Variants in THSD4 observed in about 807,000 individuals in gnomAD.
THSD4 encodes thrombospondin type 1 domain containing 4.
In THSD4, 69 loss-of-function variants were observed where a neutral mutation model predicts 119.0. The observed-to-expected ratio is 0.58, with a 90% CI of 0.48 to 0.71. The LOEUF is 0.71. THSD4 is among the 30% of genes least tolerant of loss of function. The pLI, the probability that THSD4 is intolerant of heterozygous loss-of-function variation, is 0.00. For missense variants in THSD4, 1,393 were observed against 1,391.1 expected, an observed-to-expected ratio of 1.00 and a Z score of -0.02; for synonymous variants, 524 against 540.4, an observed-to-expected ratio of 0.97 and a Z score of 0.42.
intron 4 of THSD4, among the ~76,000 whole-genome samples, chr15:71,222,271 C>A (rs1251040809): frequency 6.6e-6 from 1 of 152,138 alleles, no homozygotes; most frequent in African/African-American, 2.4e-5. Flanking sequence ...GAGCAGTGCC[C>A]TCTCTTATTT....
chr15:71,488,873 G>A (rs1323254883), intron 7 of THSD4, among the ~76,000 whole-genome samples: 1 of 152,120 alleles, frequency 6.6e-6, no homozygotes, highest in African/African-American at 2.4e-5. Context: ...TACTATTAGC[G>A]AGTTATTCCA....
intron 14 of THSD4, 139 bp downstream of exon 14, chr15:71,748,733 T>G: frequency 4.9e-4 from 442 of 902,278 alleles, no homozygotes; most frequent in Non-Finnish European, 6.5e-4. Context: ...AGAGAGGAAT[T>G]ATCGTAGGCT....
chr15:71,530,156 A>AATT (rs10646739), intron 7 of THSD4, among the ~76,000 whole-genome samples: 42,448 of 151,882 alleles, frequency 0.28, 6,699 homozygotes, highest in East Asian at 0.63. Context: ...CCCTGTTAGA[A>AATT]ATTATTATTG....
intron 7 of THSD4, among the ~76,000 whole-genome samples, chr15:71,478,982 T>G (rs1191045719): frequency 6.6e-6 from 1 of 152,170 alleles, no homozygotes; most frequent in Non-Finnish European, 1.5e-5. Flanking sequence ...ATCCTTTAAC[T>G]GAAACAACTA....
chr15:71,594,892 C>T (rs1351819823), intron 7 of THSD4, among the ~76,000 whole-genome samples: 1 of 152,066 alleles, frequency 6.6e-6, no homozygotes, highest in Non-Finnish European at 1.5e-5. Context: ...AGCTGAGTCT[C>T]CTTTGGGAGG....
chr15:71,673,712 A>G (rs1035554930), intron 8 of THSD4, among the ~76,000 whole-genome samples: 1 of 152,208 alleles, frequency 6.6e-6, no homozygotes, highest in African/African-American at 2.4e-5. Context: ...TTGGTTTCAA[A>G]GAACATCTTT....
intron 7 of THSD4, among the ~76,000 whole-genome samples, chr15:71,516,350 G>A (rs996623998): frequency 5.9e-5 from 9 of 152,046 alleles, no homozygotes; most frequent in Admixed American, 4.6e-4. Flanking sequence ...AGTGTTGGTC[G>A]TGAGTGGCCC....
intron 4 of THSD4, among the ~76,000 whole-genome samples, chr15:71,223,897 G>A (rs1366139138): frequency 6.6e-6 from 1 of 152,106 alleles, no homozygotes; most frequent in Non-Finnish European, 1.5e-5. Context: ...GAAAGGCTTG[G>A]TGTGGCTGGG....
rs545520207 is a variant in THSD4, at chr15:71,754,620, A to G, written c.2416-3282A>G. 1.8e-3 allele frequency among the ~76,000 whole-genome samples: 279 copies of G among 152,364 alleles called. 1 individual carries two copies. Among genetic ancestry groups the G allele is most frequent in the African/African-American group, 6.3e-3 (264 of 41,584 alleles). On this transcript the variant is annotated intron_variant, in intron 14 of 17. Transcript: ENST00000261862. ...AAGGACATGAAATATGCAAATAGCA[A>G]AATAGCAAAGGACATGAAAAATGTC...
intron 8 of THSD4, among the ~76,000 whole-genome samples, chr15:71,727,787 G>T (rs2052890588): frequency 6.7e-6 from 1 of 149,204 alleles, no homozygotes; most frequent in South Asian, 2.1e-4. Flanking sequence ...AAAGGGGAGG[G>T]CTGGGAGGGG....
At chr15:71,465,819 G>A (rs2047491139) in intron 7 of THSD4, among the ~76,000 whole-genome samples, 1 of 152,180 alleles carries the variant, frequency 6.6e-6, no homozygotes, top group South Asian at 2.1e-4. Flanking sequence ...CTTTACATCA[G>A]TTTTAAAGTA....
chr15:71,588,238 G>A lies in THSD4; in HGVS notation c.1153-72292G>A, dbSNP rs927550635. Among the ~76,000 whole-genome samples the A allele has an allele frequency of 4.7e-5, 7 of 149,994 alleles. No individual in the cohort carries two copies. The East Asian group carries it at 5.9e-4, about 13-fold the overall frequency. On this transcript the variant is annotated intron_variant, in intron 7 of 17. Coordinates refer to ENST00000261862, the MANE Select transcript of THSD4 (RefSeq NM_024817.3). ...GGAGAATGGCGTGAACCCGGGAGGC[G>A]GAGCTTGCAGTGAGCCGAGATCGCG...
intron 4 of THSD4, 83 bp from the exon 5 acceptor site, chr15:71,242,566 T>G: frequency 1.4e-6 from 2 of 1,444,872 alleles, no homozygotes; most frequent in South Asian, 1.3e-5. Flanking sequence ...TACCTGGTCC[T>G]CTCTACCACG....
At chr15:71,233,806 T>G (rs1275651396) in intron 4 of THSD4, among the ~76,000 whole-genome samples, 1 of 152,188 alleles carries the variant, frequency 6.6e-6, no homozygotes, top group Non-Finnish European at 1.5e-5. Context: ...AAGGAAAACT[T>G]TGCCAATTCC....
At chr15:71,715,979 TG>T (rs1428527493) in intron 8 of THSD4, among the ~76,000 whole-genome samples, 2 of 152,160 alleles carry the variant, frequency 1.3e-5, no homozygotes, top group Non-Finnish European at 2.9e-5. Context: ...TACCACAAAC[TG>T]GGTGGATTAA....
At chr15:71,361,061 A>C (rs2045886661) in intron 6 of THSD4, among the ~76,000 whole-genome samples, 1 of 152,184 alleles carries the variant, frequency 6.6e-6, no homozygotes, top group Admixed American at 6.5e-5. Context: ...GAGTGTCCTG[A>C]AAGAAAAAGG....
At chr15:71,593,778 C>T (rs1054880933) in intron 7 of THSD4, among the ~76,000 whole-genome samples, 1 of 152,032 alleles carries the variant, frequency 6.6e-6, no homozygotes, top group Non-Finnish European at 1.5e-5. Flanking sequence ...GTGGCATGTG[C>T]CTGTAGTCCC....
At chr15:71,671,832 C>A (rs2051536695) in intron 8 of THSD4, among the ~76,000 whole-genome samples, 2 of 152,132 alleles carry the variant, frequency 1.3e-5, no homozygotes, top group Admixed American at 6.5e-5. Context: ...TGTTCTGATC[C>A]ATTGGTTTAT....
chr15:71,737,009 C>T (rs572554202), intron 10 of THSD4, among the ~76,000 whole-genome samples: 140 of 152,336 alleles, frequency 9.2e-4, no homozygotes, highest in Middle Eastern at 3.4e-3. Context: ...GTCATTTCTT[C>T]ATGTCGGAAC....
Sources: gnomAD v4.1 joint callset for allele counts (sites outside exome capture counted in the v4.1 genomes callset) on GRCh38, gnomAD v4.1.1 for gene constraint, MANE v1.5 for transcripts, NCBI Gene and HGNC (gene_info 2026-07-23, HGNC 2026-07-21) for gene names.